Variants in PCDHA3 observed in about 807,000 individuals in gnomAD.
The protein encoded by PCDHA3 is protocadherin alpha 3.
In PCDHA3, 41 loss-of-function variants were observed where a neutral mutation model predicts 62.2. The observed-to-expected ratio is 0.66, with a 90% CI of 0.51 to 0.86. The LOEUF (loss-of-function observed/expected upper bound fraction) is 0.86. Among genes scored for constraint, PCDHA3 ranks in the 40% least tolerant of loss-of-function variants. PCDHA3 has a pLI of 0.00. For synonymous variants in PCDHA3, 640 were observed against 555.4 expected, an observed-to-expected ratio of 1.15 and a Z score of -2.14; for missense variants, 1,304 against 1,241.2, an observed-to-expected ratio of 1.05 and a Z score of -0.76.
chr5:140,842,117 G>A, intron 1 of PCDHA3: 4 of 1,613,862 alleles, frequency 2.5e-6, no homozygotes, highest in Non-Finnish European at 3.4e-6. Context: ...CAAACTGAAT[G>A]CTTCTGATCC....
At chr5:140,827,639 AT>A (rs1358782495) in intron 1 of PCDHA3, among the ~76,000 whole-genome samples, 1 of 152,236 alleles carries the variant, frequency 6.6e-6, no homozygotes, top group Non-Finnish European at 1.5e-5. Context: ...AATAGTTTAC[AT>A]TTCTGATTTA....
intron 1 of PCDHA3, chr5:140,808,701 C>G (rs1764239341): frequency 5.6e-6 from 9 of 1,612,090 alleles, no homozygotes; most frequent in South Asian, 4.4e-5. Flanking sequence ...CGCGCGCTGT[C>G]GAGCTACGTT....
chr5:140,882,070 CA>C, intron 1 of PCDHA3: 1 of 854,288 alleles, frequency 1.2e-6, no homozygotes, highest in Non-Finnish European at 1.8e-6. Flanking sequence ...CGTTCATGCG[CA>C]TGGTGTCGCT....
intron 1 of PCDHA3, chr5:140,822,108 G>A: frequency 6.2e-7 from 1 of 1,614,266 alleles, no homozygotes; most frequent in Non-Finnish European, 8.5e-7. Context: ...TCGTGGACAG[G>A]CCGCTGCAGG....
Position 140,841,862 on chromosome 5 carries a change from G to C in PCDHA3, c.2394+38271G>C, listed in dbSNP as rs145069696. 3.2e-4 allele frequency: 514 copies of C among 1,613,850 alleles called. 1 individual carries two copies. The highest frequency in any genetic ancestry group is 2.6e-3 in the Middle Eastern group (16 of 6,062). On this transcript the variant is annotated intron_variant, in intron 1 of 3. Transcript: ENST00000522353. ...TAGCTCTCATGATTACTTCATGCTA[G>C]ATGTGAATTCAAAGAACGATGAGAA...
chr5:140,851,850 C>T (rs2042178583), intron 1 of PCDHA3: 1 of 971,904 alleles, frequency 1.0e-6, no homozygotes, highest in South Asian at 4.8e-5. Context: ...TTTTTCTCCT[C>T]TCAGCTCATA....
intron 1 of PCDHA3, chr5:140,828,776 C>A (rs200187130): frequency 1.9e-6 from 3 of 1,614,060 alleles, no homozygotes; most frequent in Non-Finnish European, 2.5e-6. Flanking sequence ...TGTTCAGCTG[C>A]TGGTCACAGT....
intron 1 of PCDHA3, chr5:140,857,528 G>A: frequency 6.3e-7 from 1 of 1,597,766 alleles, no homozygotes; most frequent in Non-Finnish European, 8.6e-7. Flanking sequence ...CTACTCTCTG[G>A]TGGAGCGGCG....
chr5:141,005,731 A>AAAAAAG (rs2098235322), intron 3 of PCDHA3, among the ~76,000 whole-genome samples: 2 of 149,106 alleles, frequency 1.3e-5, no homozygotes, highest in East Asian at 1.9e-4. Flanking sequence ...AAAAAAAAAA[A>AAAAAAG]GAATGGATGA....
chr5:140,829,816 T>C (rs2150175358), intron 1 of PCDHA3: 4 of 1,613,796 alleles, frequency 2.5e-6, no homozygotes, highest in South Asian at 1.1e-5. Context: ...GTACTGGTGG[T>C]GCAGTGAGCG....
chr5:140,868,950 C>T, intron 1 of PCDHA3: 2 of 1,308,056 alleles, frequency 1.5e-6, no homozygotes, highest in Admixed American at 5.4e-5. Flanking sequence ...AACAGTGAGG[C>T]ACTCCCATAC....
At chr5:140,835,466 G>A (rs1289666864) in intron 1 of PCDHA3, 6 of 1,613,784 alleles carry the variant, frequency 3.7e-6, no homozygotes, top group Non-Finnish European at 5.1e-6. Context: ...CTATTCCAGA[G>A]GACGCCCAAC....
Position 140,829,867 on chromosome 5 carries a change from G to A in PCDHA3, c.2394+26276G>A, listed in dbSNP as rs1199530922. ...CACTGGGTGCAGGCCAAGTGGTGGCGAAGGTGCGCGCAGTTGACGCCGACT... is the reference window on the plus strand; with the variant it reads ...CACTGGGTGCAGGCCAAGTGGTGGCAAAGGTGCGCGCAGTTGACGCCGACT... On this transcript the variant is annotated intron_variant, in intron 1 of 3. Transcript: ENST00000522353. The A allele has an allele frequency of 5.0e-6, 8 of 1,613,830 alleles. No homozygotes were observed. In the African/African-American group the frequency reaches 9.3e-5, roughly 19 times the overall value.
chr5:140,870,608 C>A (rs1408684171), intron 1 of PCDHA3: 1 of 1,613,106 alleles, frequency 6.2e-7, no homozygotes, highest in African/African-American at 1.3e-5. Flanking sequence ...GGCGACCGCG[C>A]GCTGTCGAGC....
rs536640692 is a variant in PCDHA3 at position 140,927,687 on chromosome 5, T to TG, written c.2395-51258dup. ...CCTTGGATCCAGATGAAGGGTCCAATGGGGAAGTCCAGTACTCCCTAAGCA... is the reference window on the plus strand; with the variant it reads ...CCTTGGATCCAGATGAAGGGTCCAATGGGGGAAGTCCAGTACTCCCTAAGCA... On this transcript the variant is annotated intron_variant, in intron 1 of 3. Coordinates refer to ENST00000522353, the MANE Select transcript of PCDHA3 (RefSeq NM_018906.3). The TG allele has an allele frequency of 3.2e-4, 518 of 1,614,158 alleles. 3 individuals carry two copies. In the Middle Eastern group the frequency reaches 0.011, roughly 35 times the overall value.
chr5:140,882,852 T>C, intron 1 of PCDHA3: 2 of 1,614,216 alleles, frequency 1.2e-6, no homozygotes, highest in Non-Finnish European at 1.7e-6. Flanking sequence ...TTATCACTTG[T>C]ACTGAGGAAA....
At chr5:140,930,184 G>A (rs2153603505) in intron 1 of PCDHA3, 1 of 152,258 alleles carries the variant, frequency 6.6e-6, no homozygotes, top group South Asian at 2.1e-4. Context: ...GGAAAGATGA[G>A]TAATTTTTAT....
intron 1 of PCDHA3, chr5:140,828,787 G>T (rs1769950726): frequency 6.2e-7 from 1 of 1,614,216 alleles, no homozygotes; most frequent in Middle Eastern, 1.6e-4. Flanking sequence ...TGGTCACAGT[G>T]CTGGATGTGA....
intron 1 of PCDHA3, chr5:140,857,200 C>A: frequency 1.3e-6 from 2 of 1,598,618 alleles, no homozygotes; most frequent in East Asian, 2.2e-5. Flanking sequence ...ACGGACAGGT[C>A]ACCTGCTCTC....
Sources: allele counts gnomAD v4.1 joint callset (sites outside exome capture counted in the v4.1 genomes callset), GRCh38; gene constraint gnomAD v4.1.1; transcripts MANE v1.5; gene names NCBI Gene and HGNC (gene_info 2026-07-23, HGNC 2026-07-21).